Variants in CAMK1D observed in about 807,000 individuals in gnomAD.
The protein encoded by CAMK1D is calcium/calmodulin-dependent protein kinase type 1D.
Under a neutral mutation model 47.7 loss-of-function variants are expected in CAMK1D, and 9 were observed. The observed-to-expected ratio is 0.19, with a 90% confidence interval of 0.11 to 0.33. The LOEUF (loss-of-function observed/expected upper bound fraction) is 0.33, where lower values mean the gene tolerates loss of function less well. Among genes scored for constraint, CAMK1D ranks in the 10% least tolerant of loss-of-function variants. The probability of loss-of-function intolerance (pLI) is 1.00; values close to 1 mark genes in which losing one functional copy is unlikely to be tolerated. For missense variants in CAMK1D, 291 were observed against 488.7 expected (o/e 0.60, Z 3.81); for synonymous variants, 184 against 184.9 (o/e 0.99, Z 0.04).
At chr10:12,705,464 A>G (rs115549748) in intron 3 of CAMK1D, among the ~76,000 whole-genome samples, 6,520 of 151,868 alleles carry the variant, frequency 0.043, 460 homozygotes, top group African/African-American at 0.14. Context: ...CCAGCTCAAA[A>G]AAAAGAAAAG....
intron 1 of CAMK1D, among the ~76,000 whole-genome samples, chr10:12,476,610 T>G (rs761959874): frequency 2.6e-5 from 4 of 152,180 alleles, no homozygotes; most frequent in Non-Finnish European, 4.4e-5. Context: ...CATGTCGAGA[T>G]TTTTTAATTT....
chr10:12,501,358 C>T (rs1834696986), intron 1 of CAMK1D, among the ~76,000 whole-genome samples: 1 of 152,172 alleles, frequency 6.6e-6, no homozygotes, highest in African/African-American at 2.4e-5. Flanking sequence ...GCTAGTTTAT[C>T]ATCTGGTGAG....
At chr10:12,685,182 T>C (rs1832606500) in intron 3 of CAMK1D, among the ~76,000 whole-genome samples, 1 of 152,156 alleles carries the variant, frequency 6.6e-6, no homozygotes, top group East Asian at 1.9e-4. Context: ...ATGCCTGTAG[T>C]CCCAGCTACT....
intron 3 of CAMK1D, among the ~76,000 whole-genome samples, chr10:12,705,148 A>G (rs781153449): frequency 5.3e-5 from 8 of 152,188 alleles, no homozygotes; most frequent in Non-Finnish European, 7.4e-5. Context: ...GCTTAAAACA[A>G]AAAGAAAATA....
chr10:12,674,876 A>G (rs547582493), intron 3 of CAMK1D, among the ~76,000 whole-genome samples: 46 of 151,998 alleles, frequency 3.0e-4, no homozygotes, highest in Non-Finnish European at 5.4e-4. Flanking sequence ...TACTAAAAAT[A>G]CAAAAATTAG....
intron 2 of CAMK1D, among the ~76,000 whole-genome samples, chr10:12,663,295 T>G (rs1010473343): frequency 1.3e-5 from 2 of 152,332 alleles, no homozygotes; most frequent in South Asian, 4.2e-4. Flanking sequence ...TTCATGATAC[T>G]GTATTTTACC....
intron 3 of CAMK1D, among the ~76,000 whole-genome samples, chr10:12,680,193 G>T (rs1282091530): frequency 6.6e-6 from 1 of 152,220 alleles, no homozygotes; most frequent in African/African-American, 2.4e-5. Context: ...CCTGGAAAGA[G>T]ATTTGGGGGA....
chr10:12,499,705 C>T (rs1834644082), intron 1 of CAMK1D, among the ~76,000 whole-genome samples: 2 of 152,192 alleles, frequency 1.3e-5, no homozygotes, highest in South Asian at 2.1e-4. Context: ...AGAACAAGGT[C>T]ATTGGTTGGT....
intron 3 of CAMK1D, among the ~76,000 whole-genome samples, chr10:12,736,595 G>A (rs564259220): frequency 6.6e-6 from 1 of 152,302 alleles, no homozygotes; most frequent in Non-Finnish European, 1.5e-5. Flanking sequence ...GAGAATACAT[G>A]AAAAATGAAT....
intron 1 of CAMK1D, among the ~76,000 whole-genome samples, chr10:12,369,086 A>G (rs1263611920): frequency 6.6e-6 from 1 of 152,168 alleles, no homozygotes. Context: ...AAGTGCTGGG[A>G]TTACAGGTGT....
At chr10:12,713,539 C>G (rs897098356) in intron 3 of CAMK1D, among the ~76,000 whole-genome samples, 2 of 152,082 alleles carry the variant, frequency 1.3e-5, no homozygotes, top group Non-Finnish European at 2.9e-5. Flanking sequence ...TTGGTCAGAT[C>G]AAAAACCAAA....
chr10:12,547,354 C>T (rs865864216), intron 1 of CAMK1D, among the ~76,000 whole-genome samples: 1 of 152,144 alleles, frequency 6.6e-6, no homozygotes, highest in Non-Finnish European at 1.5e-5. Context: ...AAGAGTGGGG[C>T]ACGGGCTCCA....
chr10:12,671,426 C>T (rs1050479864), intron 3 of CAMK1D, among the ~76,000 whole-genome samples: 5 of 151,542 alleles, frequency 3.3e-5, no homozygotes, highest in African/African-American at 7.3e-5. Flanking sequence ...CCATGAGCAA[C>T]GTATGGGGAT....
intron 3 of CAMK1D, among the ~76,000 whole-genome samples, chr10:12,709,779 A>T (rs1408894053): frequency 6.6e-6 from 1 of 152,144 alleles, no homozygotes; most frequent in Non-Finnish European, 1.5e-5. Context: ...GCTTCAAAGT[A>T]TTTCTGCTGA....
intron 3 of CAMK1D, among the ~76,000 whole-genome samples, chr10:12,701,858 G>T (rs1588821659): frequency 6.6e-6 from 1 of 152,310 alleles, no homozygotes. Context: ...GGGGCCAGGG[G>T]TTCTTCCCCA....
intron 3 of CAMK1D, among the ~76,000 whole-genome samples, chr10:12,707,997 A>T (rs924763491): frequency 6.6e-6 from 1 of 152,210 alleles, no homozygotes; most frequent in Non-Finnish European, 1.5e-5. Flanking sequence ...GAATCCTATG[A>T]TAGACTTTGC....
At chr10:12,726,161 C>T (rs11257960) in intron 3 of CAMK1D, among the ~76,000 whole-genome samples, 37,745 of 151,838 alleles carry the variant, frequency 0.25, 4,747 homozygotes, top group Admixed American at 0.29. Flanking sequence ...TGCAGTGGCT[C>T]ATGCCTGTAA....
intron 5 of CAMK1D, among the ~76,000 whole-genome samples, chr10:12,772,940 T>C (rs1352813310): frequency 6.6e-6 from 1 of 151,560 alleles, no homozygotes; most frequent in Non-Finnish European, 1.5e-5. Flanking sequence ...CAGCTGAGCT[T>C]GGGCTGTTTC....
intron 3 of CAMK1D, among the ~76,000 whole-genome samples, chr10:12,746,701 TTTCACA>T (rs1266771096): frequency 6.6e-6 from 1 of 152,176 alleles, no homozygotes; most frequent in Non-Finnish European, 1.5e-5. Flanking sequence ...GAAAGGAGCG[TTTCACA>T]GGAAACAGCA....
Sources: gnomAD v4.1 joint callset for allele counts (sites outside exome capture counted in the v4.1 genomes callset) on GRCh38, gnomAD v4.1.1 for gene constraint, MANE v1.5 for transcripts, NCBI Gene and HGNC (gene_info 2026-07-23, HGNC 2026-07-21) for gene names.